Variants in MYO9A observed in about 807,000 individuals in gnomAD.
The protein encoded by MYO9A is unconventional myosin-IXa.
Under a neutral mutation model 293.3 loss-of-function variants are expected in MYO9A, and 103 were observed. That is an observed-to-expected ratio of 0.35 (90% CI 0.30 to 0.41). MYO9A has a LOEUF of 0.41. Ranked by LOEUF, MYO9A falls within the 10% of genes least tolerant of loss-of-function variation. The pLI, the probability that MYO9A is intolerant of heterozygous loss-of-function variation, is 1.00. For missense variants in MYO9A, 2,685 were observed against 3,033.0 expected (o/e 0.89, Z 2.69); for synonymous variants, 1,001 against 1,035.7 (o/e 0.97, Z 0.64).
At position 71,830,263 on chromosome 15, in the gene MYO9A, CAG is replaced by C; in HGVS notation, c.6884_6885del (p.Pro2295ArgfsTer10). On this transcript the variant is annotated frameshift_variant, in exon 40 of 42. Coordinates refer to ENST00000356056, the MANE Select transcript of MYO9A (RefSeq NM_006901.4). LOFTEE classifies it high-confidence loss of function. ...RRGNYPGPSS[P>X]VVVRLPSVSD... ...GACACAGAAGGCAACCGAACTACAACAGGAGACGATGGACCTGGATAGTTTCC... is the reference window on the plus strand; with the variant it reads ...GACACAGAAGGCAACCGAACTACAACGAGACGATGGACCTGGATAGTTTCC... 6.2e-7 allele frequency: 1 copy of C among 1,614,070 alleles called. No individual in the cohort carries two copies. Among genetic ancestry groups the C allele is most frequent in the Non-Finnish European group, 8.5e-7 (1 of 1,179,978 alleles).
At chr15:72,106,128 C>T (rs750788931) in intron 1 of MYO9A, among the ~76,000 whole-genome samples, 39 of 151,890 alleles carry the variant, frequency 2.6e-4, no homozygotes, top group Non-Finnish European at 5.0e-4. Flanking sequence ...CAAAGACTTA[C>T]AAAAATGGTT....
At chr15:71,902,317 G>A (rs984823270) in intron 22 of MYO9A, among the ~76,000 whole-genome samples, 17 of 151,892 alleles carry the variant, frequency 1.1e-4, no homozygotes, top group Non-Finnish European at 2.4e-4. Flanking sequence ...TATCAAGCAG[G>A]AGGCAGACAT....
At chr15:72,010,804 C>T (rs915432086) in intron 6 of MYO9A, among the ~76,000 whole-genome samples, 5 of 152,046 alleles carry the variant, frequency 3.3e-5, no homozygotes, top group African/African-American at 7.2e-5. Context: ...AAAGCATTTA[C>T]GGGCGCTCAA....
At chr15:72,006,447 T>G (rs1489887381) in intron 8 of MYO9A, among the ~76,000 whole-genome samples, 4 of 152,054 alleles carry the variant, frequency 2.6e-5, no homozygotes, top group African/African-American at 4.8e-5. Flanking sequence ...GTCTGAAAAA[T>G]CTACATATTG....
intron 1 of MYO9A, among the ~76,000 whole-genome samples, chr15:72,102,490 A>T (rs986474570): frequency 2.2e-4 from 33 of 147,518 alleles, no homozygotes; most frequent in Non-Finnish European, 4.5e-4. Flanking sequence ...AATAAAAAAT[A>T]AATAAATTTA....
intron 10 of MYO9A, among the ~76,000 whole-genome samples, chr15:71,991,958 T>A (rs2076553638): frequency 6.6e-6 from 1 of 152,198 alleles, no homozygotes; most frequent in Non-Finnish European, 1.5e-5. Flanking sequence ...TTTCACCACG[T>A]TGGCCGGTCT....
intron 25 of MYO9A, among the ~76,000 whole-genome samples, chr15:71,895,760 C>T (rs1259297367): frequency 6.6e-6 from 1 of 151,882 alleles, no homozygotes; most frequent in African/African-American, 2.4e-5. Flanking sequence ...AAGAAATCAA[C>T]TCAAATACAC....
At chr15:72,081,049 G>A (rs2079528902) in intron 1 of MYO9A, among the ~76,000 whole-genome samples, 1 of 152,026 alleles carries the variant, frequency 6.6e-6, no homozygotes, top group South Asian at 2.1e-4. Context: ...ATGTCTTTAG[G>A]ATAGAATGAT....
In MYO9A at chr15:71,899,914, G is replaced by A. The variant is rs762167142; in HGVS notation, c.3243C>T (p.Leu1081=). ...AFVMASAAAL[L]QASWRAHLER... ...CTAAGTGAGCACGCCAGGAAGCTTG[G>A]AGAAGAGCAGCTGCACTAGCCATAA... Residue 1081 remains leucine, a synonymous_variant, in exon 24 of 42, where the codon CTC becomes CTT. Coordinates refer to ENST00000356056, the MANE Select transcript of MYO9A (RefSeq NM_006901.4). 1 of 1,614,022 alleles carries A rather than the reference G, an allele frequency of 6.2e-7. No homozygotes were observed. Among genetic ancestry groups the A allele is most frequent in the South Asian group, 1.1e-5 (1 of 91,072 alleles).
intron 11 of MYO9A, among the ~76,000 whole-genome samples, chr15:71,984,462 G>C (rs1339175759): frequency 2.0e-5 from 3 of 152,098 alleles, no homozygotes; most frequent in Non-Finnish European, 4.4e-5. Context: ...ATGTATGCTT[G>C]TTGGGTTTGT....
At chr15:71,989,698 A>C (rs1241806408) in intron 11 of MYO9A, among the ~76,000 whole-genome samples, 1 of 152,198 alleles carries the variant, frequency 6.6e-6, no homozygotes, top group Non-Finnish European at 1.5e-5. Context: ...CAATAAAAAC[A>C]AAACAAAACA....
rs546347762 is a variant in MYO9A, at chr15:71,930,704, G to C, written c.2562+2966C>G. 7.9e-5 allele frequency among the ~76,000 whole-genome samples: 12 copies of C among 152,136 alleles called. No individual in the cohort carries two copies. In the South Asian group the frequency reaches 1.0e-3, roughly 13 times the overall value. ...ATTTAATCCATTTACATTCAAACCA[G>C]TTATTGATAGGTAAAGATTTACTAG... On this transcript the variant is annotated intron_variant, in intron 18 of 41. Transcript: ENST00000356056.
chr15:71,988,108 T>C (rs1195102981), intron 11 of MYO9A, among the ~76,000 whole-genome samples: 1 of 152,212 alleles, frequency 6.6e-6, no homozygotes, highest in East Asian at 1.9e-4. Flanking sequence ...TTTTTCAAAA[T>C]CAATTTAACC....
At chr15:71,953,958 C>T (rs911524092) in intron 14 of MYO9A, among the ~76,000 whole-genome samples, 5 of 151,922 alleles carry the variant, frequency 3.3e-5, no homozygotes, top group African/African-American at 1.2e-4. Flanking sequence ...TGCACTGGTG[C>T]AATCTCGGCT....
chr15:72,044,047 G>A (rs534792049), intron 2 of MYO9A, among the ~76,000 whole-genome samples: 6 of 149,698 alleles, frequency 4.0e-5, no homozygotes, highest in African/African-American at 1.5e-4. Context: ...CCTACTTAAT[G>A]TATGCATTAC....
intron 21 of MYO9A, among the ~76,000 whole-genome samples, chr15:71,903,285 A>G (rs1376698186): frequency 2.0e-5 from 3 of 152,022 alleles, no homozygotes; most frequent in Admixed American, 1.3e-4. Flanking sequence ...GGAATGAGAG[A>G]AAAAAAAGGC....
At chr15:71,905,370 C>A (rs757128371) in intron 19 of MYO9A, among the ~76,000 whole-genome samples, 42 of 152,076 alleles carry the variant, frequency 2.8e-4, no homozygotes, top group Non-Finnish European at 1.0e-4. Flanking sequence ...AGGTAGTAAG[C>A]CCTTGCTTTA....
At chr15:72,041,400 A>G (rs2078221197) in intron 2 of MYO9A, 8 of 428,814 alleles carry the variant, frequency 1.9e-5, no homozygotes, top group Non-Finnish European at 2.7e-5. Context: ...ATGTCTCTGA[A>G]TATTTGGAAC....
chr15:71,965,489 TAA>T (rs1373276452), intron 13 of MYO9A, among the ~76,000 whole-genome samples: 1 of 152,210 alleles, frequency 6.6e-6, no homozygotes, highest in Non-Finnish European at 1.5e-5. Flanking sequence ...CTCATGCCTG[TAA>T]TCCTAGCACT....
Sources: gnomAD v4.1 joint callset for allele counts (sites outside exome capture counted in the v4.1 genomes callset) on GRCh38, gnomAD v4.1.1 for gene constraint, MANE v1.5 for transcripts, NCBI Gene and HGNC (gene_info 2026-07-23, HGNC 2026-07-21) for gene names.